The following MYL10 variants were observed in gnomAD, a reference collection of about 807,000 sequenced individuals.
MYL10 encodes myosin regulatory light chain 10.
In MYL10, 18 loss-of-function variants were observed where a neutral mutation model predicts 21.9. That is an observed-to-expected ratio of 0.82 (90% CI 0.57 to 1.22). MYL10 has a LOEUF of 1.22. Ranked by LOEUF, MYL10 falls within the 50% of genes most tolerant of loss-of-function variation. The probability of loss-of-function intolerance (pLI) is 0.00; values close to 1 mark genes in which losing one functional copy is unlikely to be tolerated. For synonymous variants in MYL10, 88 were observed against 82.8 expected, an observed-to-expected ratio of 1.06 and a Z score of -0.34; for missense variants, 225 against 230.4, an observed-to-expected ratio of 0.98 and a Z score of 0.15.
At chr7:101,628,993 C>T (rs1415614486) in intron 1 of MYL10, 48 bp downstream of exon 1, 1 of 451,682 alleles carries the variant, frequency 2.2e-6, no homozygotes, top group East Asian at 7.0e-5. Context: ...GTCACTCACC[C>T]AAGGCAGATA....
chr7:101,620,324 C>T (rs1194286172), intron 5 of MYL10, among the ~76,000 whole-genome samples: 1 of 152,024 alleles, frequency 6.6e-6, no homozygotes, highest in Non-Finnish European at 1.5e-5. Context: ...GACTCCATCT[C>T]AAAAACAAAA....
chr7:101,626,271 G>C (rs940195813), intron 1 of MYL10, among the ~76,000 whole-genome samples: 1 of 152,176 alleles, frequency 6.6e-6, no homozygotes, highest in Non-Finnish European at 1.5e-5. Flanking sequence ...AGACACCTAC[G>C]GACCTCCAGG....
chr7:101,619,276 G>A (rs564415631), intron 5 of MYL10, among the ~76,000 whole-genome samples: 7 of 152,284 alleles, frequency 4.6e-5, no homozygotes, highest in East Asian at 1.9e-4. Context: ...TCCAGGAGGC[G>A]CACATGGTCC....
Position 101,629,164 on chromosome 7 carries a change from TAGTC to T in MYL10, c.-50_-47del, listed in dbSNP as rs765575023. The T allele has an allele frequency of 1.5e-5, 5 of 330,406 alleles. No homozygotes were observed. The highest frequency in any genetic ancestry group is 2.4e-5 in the Non-Finnish European group (4 of 168,300). 20.5% of individuals were successfully genotyped at this position (330,406 alleles called of 1,614,324 possible). ...AAAAAATTTTTTTTAATTAAAAAAT[TAGTC>T]AGGCATAGTGGTGAAGTGAAAAAGT... On this transcript the variant is annotated 5_prime_UTR_variant, in exon 1 of 8. The change abolishes the stop of an existing upstream ORF in the 5' untranslated region. Transcript: ENST00000223167.
intron 1 of MYL10, among the ~76,000 whole-genome samples, chr7:101,627,327 C>CAGGGGCAGGGGT (rs1160496620): frequency 7.0e-5 from 1 of 14,342 alleles, no homozygotes; most frequent in Non-Finnish European, 1.4e-4. Flanking sequence ...GGAGTGAGGT[C>CAGGGGCAGGGGT]AGGGGCAGGG....
intron 5 of MYL10, among the ~76,000 whole-genome samples, chr7:101,621,109 C>T (rs141181199): frequency 3.6e-4 from 54 of 152,086 alleles, no homozygotes; most frequent in African/African-American, 1.3e-3. Context: ...CTTCTGACCA[C>T]GGAACCCTCA....
At chr7:101,618,506 G>A (rs576701465) in intron 5 of MYL10, among the ~76,000 whole-genome samples, 70 of 152,270 alleles carry the variant, frequency 4.6e-4, no homozygotes, top group African/African-American at 1.3e-3. Context: ...GGCACCCAGC[G>A]CAGCCCTGCC....
intron 5 of MYL10, among the ~76,000 whole-genome samples, chr7:101,621,246 T>A (rs1584539644): frequency 6.6e-6 from 1 of 151,758 alleles, no homozygotes; most frequent in African/African-American, 2.4e-5. Context: ...AGAGCCAGGG[T>A]TTGGGGTTGA....
At chr7:101,622,865 G>A in intron 4 of MYL10, 132 bp downstream of exon 4, 2 of 722,026 alleles carry the variant, frequency 2.8e-6, no homozygotes, top group East Asian at 5.9e-5. Flanking sequence ...TCCAGACAGT[G>A]GCTGCCTTTA....
intron 5 of MYL10, among the ~76,000 whole-genome samples, chr7:101,619,022 A>G (rs1409689650): frequency 4.6e-5 from 7 of 152,028 alleles, no homozygotes; most frequent in Non-Finnish European, 1.0e-4. Flanking sequence ...CCCATGCCCA[A>G]CACCAGGGGC....
At chr7:101,619,472 G>A (rs556824945) in intron 5 of MYL10, among the ~76,000 whole-genome samples, 12 of 152,322 alleles carry the variant, frequency 7.9e-5, no homozygotes, top group African/African-American at 2.6e-4. Context: ...GACACGGTGC[G>A]TGGAGGCTGC....
In MYL10 at chr7:101,623,997, C is replaced by T; in HGVS notation, c.196G>A (p.Glu66Lys). The change falls in exon 3 of 8, where the codon GAG (glutamate) becomes AAG (lysine). Residue 66 changes from glutamate to lysine, a missense_variant. Transcript: ENST00000223167. The stretch of plus-strand genomic sequence containing the variant: ...TGAGCCGAGATCATGCCATTGCGCT[C>T]CAGCCTGGGCGACAGAGCCAGACTC... ...KESLALSPRLERNGMISAHCN... is the reference protein window; with the variant it reads ...KESLALSPRLKRNGMISAHCN... 1.7e-6 allele frequency: 1 copy of T among 590,128 alleles called. No homozygotes were observed. The highest frequency in any genetic ancestry group is 3.0e-6 in the Non-Finnish European group (1 of 333,136). 36.6% of individuals were successfully genotyped at this position (590,128 alleles called of 1,614,324 possible). A position where few individuals can be genotyped will look rare whatever the true frequency, so the allele number is the denominator to read the frequency against.
intron 1 of MYL10, 22 bp from the exon 2 acceptor site, chr7:101,624,286 C>T: frequency 1.3e-6 from 2 of 1,599,416 alleles, no homozygotes; most frequent in Non-Finnish European, 1.7e-6. Flanking sequence ...CAGACAAGGC[C>T]TTGCAGCGGC....
At position 101,616,234 on chromosome 7, in the gene MYL10, G is replaced by T; in HGVS notation, c.519C>A (p.Phe173Leu). 1.9e-6 allele frequency: 3 copies of T among 1,614,098 alleles called. No homozygotes were observed. Among genetic ancestry groups the T allele is most frequent in the Non-Finnish European group, 2.5e-6 (3 of 1,179,958 alleles). The change falls in exon 6 of 8, where the codon TTC becomes TTA. Residue 173 changes from phenylalanine (F) to leucine (L), a missense_variant. Physicochemically the swap from Phe to Leu is conservative, Grantham distance 22. Transcript: ENST00000223167. ...FKVFDTEGKG[F>L]VKADVIKEKL... ...GGGAAACTTACACATCGGCCTTGAC[G>T]AAACCTTTCCCTTCAGTGTCGAACA... is the stretch of plus-strand genomic sequence containing the variant.
intron 1 of MYL10, among the ~76,000 whole-genome samples, chr7:101,624,474 C>T (rs1562826588): frequency 6.6e-6 from 1 of 152,210 alleles, no homozygotes; most frequent in Non-Finnish European, 1.5e-5. Context: ...CGGCGTGCAC[C>T]CCCACAGAGC....
Position 101,624,228 on chromosome 7 carries a change from C to T in MYL10, c.115G>A (p.Ala39Thr), listed in dbSNP as rs150960189. The T allele has an allele frequency of 8.1e-5, 131 of 1,613,538 alleles. No individual in the cohort carries two copies. The highest frequency in any genetic ancestry group is 1.1e-4 in the Non-Finnish European group (126 of 1,179,864). Residue 39 changes from alanine (A) to threonine (T), a missense_variant, in exon 2 of 8, where the codon GCC (alanine) becomes ACC (threonine). Physicochemically the swap from Ala to Thr is moderately conservative, Grantham distance 58. Coordinates refer to ENST00000223167, the MANE Select transcript of MYL10 (RefSeq NM_138403.5). Reference protein sequence around the residue: ...RRARKRAEGTASSNVFSMFDQ... With the variant: ...RRARKRAEGTTSSNVFSMFDQ... ...AACATGGAGAAGACGTTGGAGCTGG[C>T]GGTGCCTTCTGCTCTTTTCCGAGCT...
intron 1 of MYL10, among the ~76,000 whole-genome samples, chr7:101,628,372 C>G (rs931445981): frequency 4.6e-5 from 7 of 152,176 alleles, no homozygotes; most frequent in African/African-American, 1.4e-4. Context: ...AGGAGGATTG[C>G]TTGAGTCCAG....
At chr7:101,619,464 C>T (rs1328339484) in intron 5 of MYL10, among the ~76,000 whole-genome samples, 2 of 152,210 alleles carry the variant, frequency 1.3e-5, no homozygotes, top group South Asian at 2.1e-4. Flanking sequence ...TCTGCCAGGA[C>T]ACGGTGCGTG....
intron 5 of MYL10, among the ~76,000 whole-genome samples, chr7:101,617,219 T>C (rs1202657886): frequency 6.6e-6 from 1 of 152,228 alleles, no homozygotes; most frequent in Non-Finnish European, 1.5e-5. Context: ...GGGACAGAGA[T>C]GGTGCTTGCT....
Sources: gnomAD v4.1 joint callset for allele counts (sites outside exome capture counted in the v4.1 genomes callset) on GRCh38, gnomAD v4.1.1 for gene constraint, MANE v1.5 for transcripts, NCBI Gene and HGNC (gene_info 2026-07-23, HGNC 2026-07-21) for gene names.